THSD7B: variants seen among roughly 807,000 people sequenced by gnomAD.
THSD7B encodes thrombospondin type 1 domain containing 7B.
A neutral mutation model predicts 213.6 loss-of-function variants in THSD7B; 138 were observed. The observed-to-expected ratio is 0.65, with a 90% CI of 0.56 to 0.74. THSD7B has a LOEUF of 0.74. Ranked by LOEUF, THSD7B falls within the 30% of genes least tolerant of loss-of-function variation. THSD7B has a pLI of 0.00. For missense variants in THSD7B, 1,931 were observed against 1,991.5 expected (o/e 0.97, Z 0.58); for synonymous variants, 742 against 687.0 (o/e 1.08, Z -1.25).
chr2:137,503,543 G>A (rs1049525010), intron 15 of THSD7B, among the ~76,000 whole-genome samples: 1 of 152,150 alleles, frequency 6.6e-6, no homozygotes, highest in African/African-American at 2.4e-5. Context: ...TTTTTCATGA[G>A]AAGAATATCA....
chr2:136,934,463 G>A (rs1403709923), intron 2 of THSD7B, among the ~76,000 whole-genome samples: 2 of 152,212 alleles, frequency 1.3e-5, no homozygotes, highest in African/African-American at 4.8e-5. Context: ...AAAAATTTAT[G>A]TCTTTCATTG....
intron 12 of THSD7B, among the ~76,000 whole-genome samples, chr2:137,304,768 TTTTG>T (rs1459693587): frequency 1.3e-5 from 2 of 152,078 alleles, no homozygotes; most frequent in Admixed American, 6.6e-5. Flanking sequence ...TTCTTTCCGT[TTTTG>T]TTTGTTTATT....
chr2:136,769,554 G>A (rs553430067), intron 1 of THSD7B, among the ~76,000 whole-genome samples: 29 of 151,336 alleles, frequency 1.9e-4, no homozygotes, highest in African/African-American at 6.6e-4. Context: ...TGGTTTGTAA[G>A]CTGAACAATG....
intron 15 of THSD7B, among the ~76,000 whole-genome samples, chr2:137,474,462 C>T (rs1416461253): frequency 6.6e-6 from 1 of 152,162 alleles, no homozygotes; most frequent in Non-Finnish European, 1.5e-5. Context: ...ACCACATAGT[C>T]AACTGAACTT....
chr2:137,200,494 A>G (rs565876182), intron 7 of THSD7B, among the ~76,000 whole-genome samples: 11 of 152,100 alleles, frequency 7.2e-5, no homozygotes, highest in Admixed American at 2.6e-4. Context: ...AAAATGTAAC[A>G]TACATATAGA....
chr2:137,616,798 T>A (rs1236683818), intron 18 of THSD7B, among the ~76,000 whole-genome samples: 2 of 152,166 alleles, frequency 1.3e-5, no homozygotes, highest in Admixed American at 1.3e-4. Context: ...GGGAGTTAAA[T>A]CACTCTAGCT....
chr2:136,981,653 G>A (rs1374766341), intron 2 of THSD7B, among the ~76,000 whole-genome samples: 1 of 152,158 alleles, frequency 6.6e-6, no homozygotes, highest in Admixed American at 6.5e-5. Flanking sequence ...ATTCAAGTTA[G>A]TGAACCTCAG....
intron 17 of THSD7B, among the ~76,000 whole-genome samples, chr2:137,614,839 G>A (rs1426353684): frequency 6.6e-6 from 1 of 152,096 alleles, no homozygotes; most frequent in African/African-American, 2.4e-5. Flanking sequence ...GCATATTTTA[G>A]TGCAATCCAA....
At chr2:137,494,631 C>T (rs537090149) in intron 15 of THSD7B, among the ~76,000 whole-genome samples, 14 of 152,242 alleles carry the variant, frequency 9.2e-5, no homozygotes, top group Middle Eastern at 3.4e-3. Flanking sequence ...ACCATCTCTG[C>T]CTACCACACT....
intron 3 of THSD7B, among the ~76,000 whole-genome samples, chr2:137,065,498 C>T (rs913159596): frequency 5.3e-5 from 8 of 151,420 alleles, no homozygotes; most frequent in Non-Finnish European, 1.2e-4. Context: ...ATTTTTTTCT[C>T]TTGTCTGATT....
chr2:137,327,668 T>C (rs190138740), intron 12 of THSD7B, among the ~76,000 whole-genome samples: 64 of 152,340 alleles, frequency 4.2e-4, no homozygotes, highest in African/African-American at 1.5e-3. Flanking sequence ...GTGAGGCAGT[T>C]ATTTATGGTA....
intron 15 of THSD7B, among the ~76,000 whole-genome samples, chr2:137,512,685 C>T (rs111960578): frequency 2.8e-4 from 43 of 152,080 alleles, no homozygotes; most frequent in Middle Eastern, 3.4e-3. Context: ...TAAGCCACCA[C>T]GCTTGGCCTT....
intron 1 of THSD7B, among the ~76,000 whole-genome samples, chr2:136,856,452 C>G (rs924159933): frequency 6.6e-6 from 1 of 151,904 alleles, no homozygotes; most frequent in Non-Finnish European, 1.5e-5. Flanking sequence ...ACTAAATTCT[C>G]TCTTGAACTT....
At chr2:137,333,559 C>T (rs1434720024) in intron 12 of THSD7B, among the ~76,000 whole-genome samples, 1 of 152,182 alleles carries the variant, frequency 6.6e-6, no homozygotes, top group African/African-American at 2.4e-5. Flanking sequence ...TTGGCACATC[C>T]TGCACTTCAT....
At chr2:137,135,702 C>T (rs1679439867) in intron 5 of THSD7B, among the ~76,000 whole-genome samples, 1 of 152,138 alleles carries the variant, frequency 6.6e-6, no homozygotes, top group Admixed American at 6.6e-5. Flanking sequence ...CTACTTTTAA[C>T]CCATCTCCAT....
chr2:137,111,188 A>G (rs565105425), intron 4 of THSD7B, among the ~76,000 whole-genome samples: 2 of 152,318 alleles, frequency 1.3e-5, no homozygotes, highest in South Asian at 4.1e-4. Context: ...CTTGTATTTG[A>G]GATTAGAAGA....
chr2:137,227,534 C>A (rs1019109222), intron 7 of THSD7B, among the ~76,000 whole-genome samples: 1 of 152,090 alleles, frequency 6.6e-6, no homozygotes, highest in Non-Finnish European at 1.5e-5. Flanking sequence ...TTTCCATGGT[C>A]TCATTGATCC....
chr2:137,319,187 A>T (rs566027222), intron 12 of THSD7B, among the ~76,000 whole-genome samples: 18 of 152,104 alleles, frequency 1.2e-4, no homozygotes, highest in Admixed American at 2.0e-4. Flanking sequence ...GACAAAAAAA[A>T]GGGAGTTAAG....
intron 1 of THSD7B, among the ~76,000 whole-genome samples, chr2:136,881,260 T>C (rs1432441813): frequency 1.3e-5 from 2 of 152,204 alleles, no homozygotes; most frequent in African/African-American, 4.8e-5. Context: ...TCCCTTGCCC[T>C]GCTTTGGACT....
Sources: allele counts gnomAD v4.1 joint callset (sites outside exome capture counted in the v4.1 genomes callset), GRCh38; gene constraint gnomAD v4.1.1; transcripts MANE v1.5; gene names NCBI Gene and HGNC (gene_info 2026-07-23, HGNC 2026-07-21).